Variants in RAB8A observed in about 807,000 individuals in gnomAD.
The protein encoded by RAB8A is ras-related protein Rab-8A.
A neutral mutation model predicts 29.2 loss-of-function variants in RAB8A; 5 were observed. That is an observed-to-expected ratio of 0.17 (90% CI 0.09 to 0.36). The LOEUF is 0.36. Among genes scored for constraint, RAB8A ranks in the 10% least tolerant of loss-of-function variants. The pLI is 1.00. For missense variants in RAB8A, 171 were observed against 272.2 expected (o/e 0.63, Z 2.62); for synonymous variants, 108 against 99.9 (o/e 1.08, Z -0.49).
Position 16,122,590 on chromosome 19 carries a change from A to C in RAB8A, c.246+780A>C, listed in dbSNP as rs556107691. Among the ~76,000 whole-genome samples the C allele has an allele frequency of 7.9e-5, 12 of 152,162 alleles. No individual in the cohort carries two copies. The South Asian group carries it at 2.5e-3, about 32-fold the overall frequency. The stretch of plus-strand genomic sequence containing the variant: ...CCCCACTCTTTCCTCCGCATACCCC[A>C]TCATTTAATTGCTCAGGCAGCTGCC... On this transcript the variant is annotated intron_variant, in intron 3 of 7. Coordinates refer to ENST00000300935, the MANE Select transcript of RAB8A (RefSeq NM_005370.5). This position sits in a 1 kb window ranked among gnomAD's most constrained non-coding sequence, Gnocchi z 4.7.
At chr19:16,128,495 G>A (rs1417635515) in intron 6 of RAB8A, among the ~76,000 whole-genome samples, 2 of 152,188 alleles carry the variant, frequency 1.3e-5, no homozygotes, top group Non-Finnish European at 2.9e-5. Context: ...TGGGACCTGG[G>A]CCCATGCCAC....
At position 16,127,903 on chromosome 19, in the gene RAB8A, C is replaced by T. The variant is rs1428775922; in HGVS notation, c.415-123C>T. The T allele has an allele frequency of 1.0e-6, 1 of 970,718 alleles. No individual in the cohort carries two copies. The highest frequency in any genetic ancestry group is 2.5e-5 in the East Asian group (1 of 39,540). 60.1% of individuals were successfully genotyped at this position (970,718 alleles called of 1,614,324 possible). ...GAGGGAGTGATCCAGGAAGTCACGC[C>T]CACAGCCCCAGCCCTGTTGCTGCTC... On this transcript the variant is annotated intron_variant, in intron 5 of 7. Transcript: ENST00000300935. This position sits in a 1 kb window ranked among gnomAD's most constrained non-coding sequence, Gnocchi z 4.8.
At position 16,121,787 on chromosome 19, in the gene RAB8A, A is replaced by G. The variant is rs771353371; in HGVS notation, c.223A>G (p.Thr75Ala). ...TCAGGAACGGTTTCGGACGATCACA[A>G]CGGCCTACTACAGGGGTGCAATGGT... The part of the protein sequence containing the change: ...AGQERFRTIT[T>A]AYYRGAMGIM... The change falls in exon 3 of 8, where the codon ACG becomes GCG. Residue 75 changes from threonine (T) to alanine (A), a missense_variant. Thr to Ala is a moderately conservative substitution (Grantham distance 58, BLOSUM62 0). This residue lies in a region of RAB8A where 145 missense variants were observed against 212.8 expected (regional missense o/e 0.68). Coordinates refer to ENST00000300935, the MANE Select transcript of RAB8A (RefSeq NM_005370.5). The G allele has an allele frequency of 1.9e-6, 3 of 1,613,946 alleles. No homozygotes were observed. The highest frequency in any genetic ancestry group is 1.7e-5 in the Admixed American group (1 of 59,992).
intron 1 of RAB8A, among the ~76,000 whole-genome samples, chr19:16,114,296 A>G (rs149494039): frequency 1.3e-5 from 2 of 151,878 alleles, no homozygotes; most frequent in African/African-American, 4.8e-5. Flanking sequence ...TAAAAGAAAG[A>G]AAGAAATGAT....
chr19:16,116,252 A>G (rs1016351998), intron 1 of RAB8A, among the ~76,000 whole-genome samples: 19 of 152,176 alleles, frequency 1.2e-4, no homozygotes, highest in Admixed American at 2.6e-4. Flanking sequence ...CGCTGTGTGG[A>G]TGGTGTGGCC....
intron 1 of RAB8A, among the ~76,000 whole-genome samples, chr19:16,117,098 G>A (rs1206074380): frequency 1.3e-5 from 2 of 152,170 alleles, no homozygotes; most frequent in Non-Finnish European, 2.9e-5. Context: ...TAGCATGGAT[G>A]AGTACTCCGT....
rs2090929880 is a variant in RAB8A, at chr19:16,132,418, C to T, written c.*114C>T. 3.3e-6 allele frequency: 3 copies of T among 907,820 alleles called. No individual in the cohort carries two copies. The highest frequency in any genetic ancestry group is 1.7e-5 in the African/African-American group (1 of 59,564). 56.2% of individuals were successfully genotyped at this position (907,820 alleles called of 1,614,324 possible). On this transcript the variant is annotated 3_prime_UTR_variant, in exon 8 of 8. Transcript: ENST00000300935. The surrounding 1 kb of genome is among the most constrained non-coding windows in gnomAD (Gnocchi z 5.6). ...TCCAACGCCCCGCCCACGCCGCGGC[C>T]ACCGGGCCCACGGCCACCAGAATGC... is the stretch of plus-strand genomic sequence containing the variant.
At position 16,132,363 on chromosome 19, in the gene RAB8A, A is replaced by AGCCCC. The variant is rs773136462; in HGVS notation, c.*60_*64dup. On this transcript the variant is annotated 3_prime_UTR_variant, in exon 8 of 8. Coordinates refer to ENST00000300935, the MANE Select transcript of RAB8A (RefSeq NM_005370.5). The surrounding 1 kb of genome is among the most constrained non-coding windows in gnomAD (Gnocchi z 5.6). The stretch of plus-strand genomic sequence containing the variant: ...CAGCTGACTGTGCCTGTTCTGAGTG[A>AGCCCC]GCCCCTCACTCAGCCGGGGCCCTCC... 1 of 1,558,888 alleles carries AGCCCC rather than the reference A, an allele frequency of 6.4e-7. No individual in the cohort carries two copies. Among genetic ancestry groups the AGCCCC allele is most frequent in the African/African-American group, 1.4e-5 (1 of 73,626 alleles).
chr19:16,117,891 A>G (rs7252188), intron 1 of RAB8A, among the ~76,000 whole-genome samples: 99,565 of 151,988 alleles, frequency 0.66, 32,801 homozygotes, highest in Admixed American at 0.71. Flanking sequence ...GTTGGGGAGC[A>G]AGGGACTCAG....
chr19:16,131,765 A>C (rs1205563369), intron 7 of RAB8A, among the ~76,000 whole-genome samples: 1 of 148,636 alleles, frequency 6.7e-6, no homozygotes, highest in Non-Finnish European at 1.5e-5. Flanking sequence ...TGGTTGGTTG[A>C]TTGGTTTGTT....
chr19:16,131,941 A>C (rs954268299), intron 7 of RAB8A, among the ~76,000 whole-genome samples: 3 of 147,080 alleles, frequency 2.0e-5, no homozygotes, highest in Non-Finnish European at 4.5e-5. Context: ...CAGATGATGG[A>C]TGGATGGTTT....
chr19:16,117,780 G>A (rs1402283026), intron 1 of RAB8A, among the ~76,000 whole-genome samples: 4 of 152,194 alleles, frequency 2.6e-5, no homozygotes, highest in African/African-American at 9.7e-5. Flanking sequence ...AAAATGAATA[G>A]CATGTACAAA....
rs965586993 is a variant in RAB8A, at chr19:16,114,352, C to T, written c.124+2327C>T. 2.7e-5 allele frequency among the ~76,000 whole-genome samples: 4 copies of T among 149,982 alleles called. 1 individual carries two copies. The Admixed American group carries it at 2.7e-4, about 10-fold the overall frequency. ...CTTGCATTCACTCAGATCCCAGTTT[C>T]CCAGCCTTCCCCACAAACCCCCCTC... On this transcript the variant is annotated intron_variant, in intron 1 of 7. Coordinates refer to ENST00000300935, the MANE Select transcript of RAB8A (RefSeq NM_005370.5).
At chr19:16,113,294 C>G (rs544083827) in intron 1 of RAB8A, among the ~76,000 whole-genome samples, 2 of 152,352 alleles carry the variant, frequency 1.3e-5, no homozygotes, top group African/African-American at 2.4e-5. Flanking sequence ...AGGGAATGGC[C>G]TTTGCTTTAC....
At chr19:16,116,009 G>A (rs1048083655) in intron 1 of RAB8A, among the ~76,000 whole-genome samples, 3 of 152,154 alleles carry the variant, frequency 2.0e-5, no homozygotes, top group African/African-American at 7.2e-5. Context: ...TGATCTGCAA[G>A]CATTATGCCC....
At chr19:16,128,123 GC>G in intron 6 of RAB8A, 32 bp downstream of exon 6, 1 of 1,608,510 alleles carries the variant, frequency 6.2e-7, no homozygotes, top group Admixed American at 1.7e-5. Flanking sequence ...GAGACATGGG[GC>G]CTGCAGGATC....
chr19:16,118,994 A>C (rs1018281717), intron 2 of RAB8A, among the ~76,000 whole-genome samples: 3 of 152,206 alleles, frequency 2.0e-5, no homozygotes, highest in African/African-American at 4.8e-5. Flanking sequence ...ACTGGCCCTG[A>C]GCAAAACAAA....
intron 7 of RAB8A, 119 bp downstream of exon 7, chr19:16,129,723 G>A (rs781360730): frequency 2.2e-5 from 22 of 981,210 alleles, no homozygotes; most frequent in Non-Finnish European, 3.4e-5. Context: ...AGACCCCATG[G>A]GACATTGCTG....
chr19:16,129,479 A>C, intron 6 of RAB8A, 75 bp from the exon 7 acceptor site: 1 of 1,465,092 alleles, frequency 6.8e-7, no homozygotes, highest in South Asian at 1.1e-5. Flanking sequence ...CTGTCTCACC[A>C]CACCCGCTGT....
Sources: allele counts gnomAD v4.1 joint callset (sites outside exome capture counted in the v4.1 genomes callset), GRCh38; gene constraint gnomAD v4.1.1; regional missense constraint gnomAD v4.1.1; non-coding constraint Gnocchi (gnomAD v3.1); transcripts MANE v1.5; gene names NCBI Gene and HGNC (gene_info 2026-07-23, HGNC 2026-07-21).